COL5A1: variants seen among roughly 807,000 people sequenced by gnomAD.
COL5A1 encodes the protein collagen type V alpha 1 chain.
In COL5A1, 16 loss-of-function variants were observed where a neutral mutation model predicts 263.7. That is an observed-to-expected ratio of 0.06 (90% CI 0.04 to 0.09). The LOEUF (loss-of-function observed/expected upper bound fraction) is 0.09, where lower values mean the gene tolerates loss of function less well. COL5A1 is among the 10% of genes least tolerant of loss of function. The pLI is 1.00. For synonymous variants in COL5A1, 1,012 were observed against 1,004.5 expected, an observed-to-expected ratio of 1.01 and a Z score of -0.14; for missense variants, 2,036 against 2,540.5, an observed-to-expected ratio of 0.80 and a Z score of 4.27.
intron 65 of COL5A1, among the ~76,000 whole-genome samples, chr9:134,836,167 T>G (rs1207187587): frequency 6.6e-6 from 1 of 152,224 alleles, no homozygotes; most frequent in Non-Finnish European, 1.5e-5. Context: ...AGCGGTTTAC[T>G]CCGCTCCCAG....
intron 1 of COL5A1, among the ~76,000 whole-genome samples, chr9:134,664,460 G>T (rs948568007): frequency 6.6e-6 from 1 of 152,194 alleles, no homozygotes; most frequent in Non-Finnish European, 1.5e-5. Flanking sequence ...CGGAAAGGGG[G>T]TCGACCTGCA....
intron 29 of COL5A1, among the ~76,000 whole-genome samples, chr9:134,784,163 G>A (rs910082259): frequency 4.6e-5 from 7 of 152,224 alleles, no homozygotes; most frequent in Middle Eastern, 3.2e-3. Flanking sequence ...TTTGTTGAAC[G>A]AGAGGAACAC....
intron 52 of COL5A1, among the ~76,000 whole-genome samples, chr9:134,816,750 GACCGAA>G (rs1724249047): frequency 6.6e-6 from 1 of 152,236 alleles, no homozygotes; most frequent in African/African-American, 2.4e-5. Flanking sequence ...TTGTGGTGGG[GACCGAA>G]CCGTCATTGT....
At chr9:134,687,758 G>A (rs555655291) in intron 1 of COL5A1, among the ~76,000 whole-genome samples, 2 of 152,212 alleles carry the variant, frequency 1.3e-5, no homozygotes, top group Non-Finnish European at 2.9e-5. Flanking sequence ...AACTGCTGGT[G>A]ATGGGCCCCT....
At chr9:134,829,082 C>T (rs1839458045) in intron 63 of COL5A1, among the ~76,000 whole-genome samples, 2 of 152,206 alleles carry the variant, frequency 1.3e-5, no homozygotes, top group Admixed American at 1.3e-4. Context: ...CCCTCGCCTG[C>T]AGTAAATGCT....
intron 48 of COL5A1, 60 bp from the exon 49 acceptor site, chr9:134,813,923 G>T: frequency 1.3e-6 from 2 of 1,526,558 alleles, no homozygotes; most frequent in Non-Finnish European, 1.8e-6. Flanking sequence ...GCTTGAAACC[G>T]TAGCACTGCG....
intron 26 of COL5A1, among the ~76,000 whole-genome samples, chr9:134,774,331 C>A (rs1411439099): frequency 1.3e-5 from 2 of 152,128 alleles, no homozygotes; most frequent in Admixed American, 6.5e-5. Context: ...GCGGTGGGAG[C>A]CGTTCATCAT....
In COL5A1 at chr9:134,742,435, G is replaced by A. The variant is rs1024571437; in HGVS notation, c.1494+3627G>A. ...GCGGCTGTGTCCGGGTGGAGAAGGGGCTCGAACCATCATCCCATCCAGTTT... is the reference window on the plus strand; with the variant it reads ...GCGGCTGTGTCCGGGTGGAGAAGGGACTCGAACCATCATCCCATCCAGTTT... On this transcript the variant is annotated intron_variant, in intron 11 of 65. Coordinates refer to ENST00000371817, the MANE Select transcript of COL5A1 (RefSeq NM_000093.5). The surrounding 1 kb of genome is among the most constrained non-coding windows in gnomAD (Gnocchi z 4.6). Among the ~76,000 whole-genome samples, 1 of 152,238 alleles carries A rather than the reference G, an allele frequency of 6.6e-6. No homozygotes were observed. The highest frequency in any genetic ancestry group is 1.9e-4 in the East Asian group (1 of 5,170).
chr9:134,796,468 G>C (rs540657193), intron 35 of COL5A1, 50 bp downstream of exon 35: 1 of 1,581,044 alleles, frequency 6.3e-7, no homozygotes, highest in Non-Finnish European at 8.7e-7. Flanking sequence ...AGCCTGCCTC[G>C]AATGCCCCCT....
At position 134,796,934 on chromosome 9, in the gene COL5A1, GCCTGTCCCCTCCAAAACCCA is replaced by G. The variant is rs142676375; in HGVS notation, c.2898+53_2898+72del. On this transcript the variant is annotated intron_variant, in intron 36 of 65. Coordinates refer to ENST00000371817, the MANE Select transcript of COL5A1 (RefSeq NM_000093.5). ...ATGGCTTCCTTGCTGGGCCAGCACT[GCCTGTCCCCTCCAAAACCCA>G]CCTGTCCCCTCCAAAACCCGCCTGT... is the stretch of plus-strand genomic sequence containing the variant. The G allele has an allele frequency of 0.58, 882,418 of 1,514,506 alleles. 265,586 individuals are homozygous for G. The highest frequency in any genetic ancestry group is 0.84 in the African/African-American group (60,769 of 72,028). 93.8% of individuals were successfully genotyped at this position (1,514,506 alleles called of 1,614,324 possible). A position where few individuals can be genotyped will look rare whatever the true frequency, so the allele number is the denominator to read the frequency against.
intron 4 of COL5A1, among the ~76,000 whole-genome samples, chr9:134,717,576 G>T (rs1195048946): frequency 6.6e-6 from 1 of 152,220 alleles, no homozygotes; most frequent in African/African-American, 2.4e-5. Context: ...TGTTAACTCA[G>T]CTGGGCTGCG....
intron 1 of COL5A1, among the ~76,000 whole-genome samples, chr9:134,665,389 AT>A (rs1281782845): frequency 6.6e-6 from 1 of 152,250 alleles, no homozygotes; most frequent in African/African-American, 2.4e-5. Flanking sequence ...TGAAGTTTTC[AT>A]TTGCTGAGGT....
chr9:134,760,688 C>G (rs1193527130), intron 18 of COL5A1, among the ~76,000 whole-genome samples: 3 of 139,450 alleles, frequency 2.2e-5, no homozygotes, highest in Non-Finnish European at 4.7e-5. Flanking sequence ...CCCCCACACT[C>G]ATACATGCAC....
At chr9:134,759,032 C>T (rs538838469) in intron 18 of COL5A1, among the ~76,000 whole-genome samples, 1 of 152,230 alleles carries the variant, frequency 6.6e-6, no homozygotes, top group African/African-American at 2.4e-5. Flanking sequence ...AAGGCTCGTC[C>T]TGGCCGCCTG....
At chr9:134,783,154 C>G (rs931941099) in intron 29 of COL5A1, among the ~76,000 whole-genome samples, 1 of 152,202 alleles carries the variant, frequency 6.6e-6, no homozygotes, top group South Asian at 2.1e-4. Flanking sequence ...ACGGCCGGCG[C>G]CCACAGGGCA....
chr9:134,830,609 C>A (rs889894852), intron 64 of COL5A1, among the ~76,000 whole-genome samples: 6 of 152,190 alleles, frequency 3.9e-5, no homozygotes, highest in African/African-American at 4.8e-5. Context: ...CACCACGGAT[C>A]CCCTCTCCCC....
intron 1 of COL5A1, among the ~76,000 whole-genome samples, chr9:134,656,728 TAATA>T (rs1831986484): frequency 6.6e-6 from 1 of 151,812 alleles, no homozygotes; most frequent in Non-Finnish European, 1.5e-5. Context: ...ACATGGCTGT[TAATA>T]CGGAGGTTGG....
chr9:134,669,592 C>G lies in COL5A1; in HGVS notation c.110-21320C>G, dbSNP rs144291662. Among the ~76,000 whole-genome samples, 672 of 152,208 alleles carry G rather than the reference C, an allele frequency of 4.4e-3. 21 individuals carry two copies. Among genetic ancestry groups the G allele is most frequent in the Admixed American group, 0.04 (607 of 15,274 alleles). Reference sequence around the variant, plus strand: ...GAATGGTACCAGATACAACTAGATTCTCAAGCTGTTTTGTTGGCTTGAACT... The same window carrying G: ...GAATGGTACCAGATACAACTAGATTGTCAAGCTGTTTTGTTGGCTTGAACT... On this transcript the variant is annotated intron_variant, in intron 1 of 65. Transcript: ENST00000371817.
chr9:134,644,884 GT>G (rs931397837), intron 1 of COL5A1, among the ~76,000 whole-genome samples: 1 of 152,214 alleles, frequency 6.6e-6, no homozygotes, highest in Non-Finnish European at 1.5e-5. Context: ...AGTCGGCCAA[GT>G]TTTGTGAGAC....
Sources: gnomAD v4.1 joint callset for allele counts (sites outside exome capture counted in the v4.1 genomes callset) on GRCh38, gnomAD v4.1.1 for gene constraint, Gnocchi (gnomAD v3.1) non-coding constraint, MANE v1.5 for transcripts, NCBI Gene and HGNC (gene_info 2026-07-23, HGNC 2026-07-21) for gene names.